SLIT1: variants seen among roughly 807,000 people sequenced by gnomAD.
SLIT1 encodes slit homolog 1 protein.
SLIT1 carries 66 observed loss-of-function variants against 186.1 expected under a neutral mutation model. The observed-to-expected ratio is 0.35, with a 90% CI of 0.29 to 0.44. The LOEUF (loss-of-function observed/expected upper bound fraction) is 0.44, where lower values mean the gene tolerates loss of function less well. Among genes scored for constraint, SLIT1 ranks in the 20% least tolerant of loss-of-function variants. The pLI is 1.00. For missense variants in SLIT1, 1,638 were observed against 2,037.4 expected (o/e 0.80, Z 3.77); for synonymous variants, 761 against 833.8 (o/e 0.91, Z 1.50).
intron 25 of SLIT1, among the ~76,000 whole-genome samples, chr10:97,023,697 CT>C (rs768541538): frequency 4.6e-4 from 70 of 152,276 alleles, no homozygotes; most frequent in Non-Finnish European, 7.2e-4. Context: ...AATCGCAGCA[CT>C]GTGGGAGGCC....
At chr10:97,023,195 C>T (rs1373166125) in intron 25 of SLIT1, among the ~76,000 whole-genome samples, 2 of 151,204 alleles carry the variant, frequency 1.3e-5, no homozygotes, top group East Asian at 1.9e-4. Context: ...GGGATTACAG[C>T]GTACACTACC....
chr10:97,095,328 C>T (rs558863007), intron 4 of SLIT1, among the ~76,000 whole-genome samples: 1 of 152,278 alleles, frequency 6.6e-6, no homozygotes, highest in South Asian at 2.1e-4. Context: ...AAACTGCATC[C>T]ATGCTTTCCA....
At chr10:97,014,236 C>T in intron 28 of SLIT1, 78 bp from the exon 29 acceptor site, 1 of 1,535,134 alleles carries the variant, frequency 6.5e-7, no homozygotes, top group Non-Finnish European at 8.9e-7. Context: ...GTTAATATCA[C>T]CATTCCACGG....
chr10:97,001,674 C>T (rs944305548), intron 36 of SLIT1, among the ~76,000 whole-genome samples: 1 of 152,148 alleles, frequency 6.6e-6, no homozygotes, highest in African/African-American at 2.4e-5. Flanking sequence ...AGGATTCATG[C>T]TGGGGAGGGG....
intron 25 of SLIT1, among the ~76,000 whole-genome samples, chr10:97,029,781 C>T (rs1002140429): frequency 6.6e-6 from 1 of 152,220 alleles, no homozygotes; most frequent in Non-Finnish European, 1.5e-5. Context: ...TAAACACCAA[C>T]TCCCCATGGC....
At chr10:97,023,129 G>A (rs115877506) in intron 25 of SLIT1, among the ~76,000 whole-genome samples, 1,537 of 151,470 alleles carry the variant, frequency 0.01, 22 homozygotes, top group African/African-American at 0.032. Context: ...TCAGCTCACC[G>A]CAACCTCTGC....
At chr10:97,169,130 G>A (rs928156337) in intron 1 of SLIT1, among the ~76,000 whole-genome samples, 10 of 152,126 alleles carry the variant, frequency 6.6e-5, no homozygotes, top group African/African-American at 1.9e-4. Context: ...AGACAATGGC[G>A]CAGACAGCAA....
In SLIT1 at chr10:97,145,641, C is replaced by T. The variant is rs551003228; in HGVS notation, c.413+12177G>A. On this transcript the variant is annotated intron_variant, in intron 4 of 36. Coordinates refer to ENST00000266058, the MANE Select transcript of SLIT1 (RefSeq NM_003061.3). ...ATAAAGGTCAGCATGTGGCTGGACCCGAGAAGACTGAGGGAAAAAGAGCCA... is the reference window on the plus strand; with the variant it reads ...ATAAAGGTCAGCATGTGGCTGGACCTGAGAAGACTGAGGGAAAAAGAGCCA... 3.9e-5 allele frequency among the ~76,000 whole-genome samples: 6 copies of T among 152,238 alleles called. No individual in the cohort carries two copies. In the East Asian group the frequency reaches 9.7e-4, roughly 25 times the overall value.
chr10:97,031,590 G>A lies in SLIT1; in HGVS notation c.2510+16C>T, dbSNP rs1419608540. ...GGGGTGGATTTTCTGGCAGGATGGTGAGTGAGGAGACTTACAGCAGGCGCA... is the reference window on the plus strand; with the variant it reads ...GGGGTGGATTTTCTGGCAGGATGGTAAGTGAGGAGACTTACAGCAGGCGCA... On this transcript the variant is annotated intron_variant, in intron 24 of 36. Coordinates refer to ENST00000266058, the MANE Select transcript of SLIT1 (RefSeq NM_003061.3). 6.5e-7 allele frequency: 1 copy of A among 1,547,346 alleles called. No individual in the cohort carries two copies. Among genetic ancestry groups the A allele is most frequent in the Admixed American group, 2.0e-5 (1 of 50,870 alleles).
At chr10:97,036,417 G>A (rs748271716) in intron 22 of SLIT1, among the ~76,000 whole-genome samples, 1 of 152,152 alleles carries the variant, frequency 6.6e-6, no homozygotes, top group Non-Finnish European at 1.5e-5. Context: ...ATTAAGCAAA[G>A]ACAGATAAAT....
intron 28 of SLIT1, 60 bp downstream of exon 28, chr10:97,018,526 G>T: frequency 9.2e-7 from 1 of 1,090,920 alleles, no homozygotes; most frequent in Non-Finnish European, 1.3e-6. Flanking sequence ...GGAGGGCCCT[G>T]AGGCACAGGT....
intron 12 of SLIT1, 146 bp from the exon 13 acceptor site, chr10:97,056,610 G>T: frequency 1.2e-6 from 1 of 823,118 alleles, no homozygotes; most frequent in Non-Finnish European, 1.9e-6. Flanking sequence ...CCCTCTGGAT[G>T]TCTGCCCCAC....
At chr10:97,164,949 G>A (rs1328759636) in intron 1 of SLIT1, 59 bp from the exon 2 acceptor site, 9 of 1,366,606 alleles carry the variant, frequency 6.6e-6, no homozygotes, top group South Asian at 1.2e-5. Context: ...CCCAGGCCAG[G>A]GGCCCTGCTC....
chr10:97,028,327 C>T (rs770529951), intron 25 of SLIT1, among the ~76,000 whole-genome samples: 5 of 151,928 alleles, frequency 3.3e-5, no homozygotes, highest in Admixed American at 2.0e-4. Context: ...CCAGGAGTTT[C>T]CTGAAACTCA....
rs182860833 is a variant in SLIT1 at position 97,185,183 on chromosome 10, A to C, written c.197+295T>G. Reference sequence around the variant, plus strand: ...ACCAGTTCGCAGGCACCCTGGAGGAATAAAGCGCTGGCGCAGTGAGGAGGG... The same window carrying C: ...ACCAGTTCGCAGGCACCCTGGAGGACTAAAGCGCTGGCGCAGTGAGGAGGG... On this transcript the variant is annotated intron_variant, in intron 1 of 36. Transcript: ENST00000266058. 9.8e-5 allele frequency among the ~76,000 whole-genome samples: 15 copies of C among 152,352 alleles called. No homozygotes were observed. In the East Asian group the frequency reaches 2.5e-3, roughly 25 times the overall value.
chr10:97,140,702 C>T (rs747521314), intron 4 of SLIT1, among the ~76,000 whole-genome samples: 6 of 152,288 alleles, frequency 3.9e-5, no homozygotes, highest in East Asian at 1.9e-4. Flanking sequence ...CATTGCTCAG[C>T]GGGCGATGGC....
chr10:97,088,102 GCCTGGACCCAC>G (rs2134660881), intron 4 of SLIT1, among the ~76,000 whole-genome samples: 1 of 152,294 alleles, frequency 6.6e-6, no homozygotes, highest in South Asian at 2.1e-4. Context: ...AAATACTGTT[GCCTGGACCCAC>G]CCCAGAGATT....
chr10:97,112,748 C>T (rs554952425), intron 4 of SLIT1, among the ~76,000 whole-genome samples: 1 of 152,308 alleles, frequency 6.6e-6, no homozygotes, highest in Non-Finnish European at 1.5e-5. Context: ...GTCACCCAGG[C>T]TGGAGTGCAG....
At chr10:97,104,687 C>T (rs1243621003) in intron 4 of SLIT1, among the ~76,000 whole-genome samples, 1 of 152,110 alleles carries the variant, frequency 6.6e-6, no homozygotes, top group African/African-American at 2.4e-5. Flanking sequence ...CCTCCCTCTC[C>T]CTGAATCCAC....
Sources: gnomAD v4.1 joint callset for allele counts (sites outside exome capture counted in the v4.1 genomes callset) on GRCh38, gnomAD v4.1.1 for gene constraint, MANE v1.5 for transcripts, NCBI Gene and HGNC (gene_info 2026-07-23, HGNC 2026-07-21) for gene names.